The following WWOX variants were observed in gnomAD, a reference collection of about 807,000 sequenced individuals.
The protein encoded by WWOX is WW domain-containing oxidoreductase.
Under a neutral mutation model 46.2 loss-of-function variants are expected in WWOX, and 69 were observed. The observed-to-expected ratio is 1.49, with a 90% confidence interval of 1.23 to 1.82. The LOEUF (loss-of-function observed/expected upper bound fraction) is 1.82. Among genes scored for constraint, WWOX ranks in the 40% most tolerant of loss-of-function variants. WWOX has a pLI of 0.00. For missense variants in WWOX, 919 were observed against 542.6 expected (o/e 1.69, Z -6.89); for synonymous variants, 359 against 202.6 (o/e 1.77, Z -6.56).
chr16:78,665,792 C>T (rs911357642), intron 8 of WWOX, among the ~76,000 whole-genome samples: 4 of 152,134 alleles, frequency 2.6e-5, no homozygotes, highest in African/African-American at 7.2e-5. Flanking sequence ...TCGAGTGATT[C>T]TCCTACCTCA....
At chr16:78,630,928 A>T (rs1485809280) in intron 8 of WWOX, among the ~76,000 whole-genome samples, 1 of 152,162 alleles carries the variant, frequency 6.6e-6, no homozygotes, top group East Asian at 1.9e-4. Context: ...GACAGATTAA[A>T]AGCATTCGAA....
At chr16:78,351,478 G>C (rs2081182582) in intron 5 of WWOX, among the ~76,000 whole-genome samples, 2 of 152,156 alleles carry the variant, frequency 1.3e-5, no homozygotes, top group African/African-American at 4.8e-5. Context: ...ATACGCTTTA[G>C]GTGGGGCAGA....
chr16:78,137,054 T>G (rs1422972811), intron 4 of WWOX, among the ~76,000 whole-genome samples: 1 of 152,076 alleles, frequency 6.6e-6, no homozygotes, highest in East Asian at 1.9e-4. Context: ...ATTCACAACA[T>G]AAGTTGGATC....
At chr16:78,916,709 G>T (rs1224151639) in intron 8 of WWOX, among the ~76,000 whole-genome samples, 1 of 152,174 alleles carries the variant, frequency 6.6e-6, no homozygotes, top group Admixed American at 6.5e-5. Context: ...CAAAATAAAA[G>T]TGATTCTTTC....
intron 8 of WWOX, among the ~76,000 whole-genome samples, chr16:79,052,960 G>A (rs1159347598): frequency 6.3e-5 from 7 of 110,800 alleles, no homozygotes; most frequent in African/African-American, 2.4e-4. Flanking sequence ...GTATGTTTGT[G>A]TATTTGGGGG....
chr16:78,647,357 C>G (rs2046867782), intron 8 of WWOX, among the ~76,000 whole-genome samples: 1 of 152,202 alleles, frequency 6.6e-6, no homozygotes, highest in Non-Finnish European at 1.5e-5. Context: ...TTTAGCCCTC[C>G]TTCCACCTGG....
intron 5 of WWOX, among the ~76,000 whole-genome samples, chr16:78,208,408 G>A (rs532793884): frequency 1.3e-5 from 2 of 152,214 alleles, no homozygotes; most frequent in East Asian, 3.9e-4. Flanking sequence ...TATATGAAAC[G>A]GTGAGAAACT....
At chr16:79,125,710 A>T (rs1436779387) in intron 8 of WWOX, among the ~76,000 whole-genome samples, 3 of 152,218 alleles carry the variant, frequency 2.0e-5, no homozygotes, top group Admixed American at 6.5e-5. Context: ...GACATTGTGA[A>T]TCCCTGATCT....
At chr16:78,893,582 C>T (rs2044637565) in intron 8 of WWOX, among the ~76,000 whole-genome samples, 1 of 152,188 alleles carries the variant, frequency 6.6e-6, no homozygotes, top group South Asian at 2.1e-4. Context: ...GCCCACATGG[C>T]TGCCATTTTA....
chr16:78,805,332 C>G (rs1472562633), intron 8 of WWOX, among the ~76,000 whole-genome samples: 1 of 152,172 alleles, frequency 6.6e-6, no homozygotes, highest in Non-Finnish European at 1.5e-5. Flanking sequence ...AGGATCTCGG[C>G]TCACTGCAAG....
intron 8 of WWOX, among the ~76,000 whole-genome samples, chr16:78,731,997 CT>C (rs1230513107): frequency 1.3e-5 from 2 of 151,912 alleles, no homozygotes; most frequent in African/African-American, 4.8e-5. Context: ...CAGGTATGCA[CT>C]ACCATGCCCA....
intron 8 of WWOX, among the ~76,000 whole-genome samples, chr16:79,175,189 T>A (rs1163956895): frequency 6.6e-6 from 1 of 152,218 alleles, no homozygotes; most frequent in East Asian, 1.9e-4. Flanking sequence ...TTAATATGCC[T>A]CATTCTAGTT....
chr16:78,728,177 G>A, intron 8 of WWOX, among the ~76,000 whole-genome samples: 1 of 145,936 alleles, frequency 6.9e-6, no homozygotes, highest in Non-Finnish European at 1.5e-5. Context: ...TGATTCTCCT[G>A]CCTCAGCCTC....
At chr16:78,859,501 C>A (rs1000712217) in intron 8 of WWOX, among the ~76,000 whole-genome samples, 1 of 152,044 alleles carries the variant, frequency 6.6e-6, no homozygotes, top group Non-Finnish European at 1.5e-5. Flanking sequence ...TGTTATAGCT[C>A]GATTTTTATC....
At chr16:78,926,976 T>G (rs1239560551) in intron 8 of WWOX, among the ~76,000 whole-genome samples, 1 of 152,094 alleles carries the variant, frequency 6.6e-6, no homozygotes, top group Non-Finnish European at 1.5e-5. Flanking sequence ...TTGTATTTTC[T>G]GTAGAGATGG....
chr16:78,322,035 C>T (rs2080494876), intron 5 of WWOX, among the ~76,000 whole-genome samples: 1 of 152,130 alleles, frequency 6.6e-6, no homozygotes, highest in African/African-American at 2.4e-5. Flanking sequence ...AGTGGACAGA[C>T]CCAAATGTTT....
chr16:79,038,962 CT>C (rs1425476745), intron 8 of WWOX, among the ~76,000 whole-genome samples: 2 of 151,964 alleles, frequency 1.3e-5, no homozygotes, highest in South Asian at 4.2e-4. Flanking sequence ...TGAGTTGCCC[CT>C]AGGATCATTT....
At chr16:78,372,979 TTG>T (rs1770417650) in intron 5 of WWOX, among the ~76,000 whole-genome samples, 1 of 152,232 alleles carries the variant, frequency 6.6e-6, no homozygotes, top group Non-Finnish European at 1.5e-5. Context: ...TAATGGGCTA[TTG>T]TCTCTCAAAG....
intron 5 of WWOX, among the ~76,000 whole-genome samples, chr16:78,375,852 ATTT>A (rs11312205): frequency 5.8e-4 from 75 of 129,220 alleles, no homozygotes; most frequent in African/African-American, 5.7e-4. Context: ...CATGTATAGG[ATTT>A]TTTTTTTTTT....
Sources: gnomAD v4.1 joint callset for allele counts (sites outside exome capture counted in the v4.1 genomes callset) on GRCh38, gnomAD v4.1.1 for gene constraint, MANE v1.5 for transcripts, NCBI Gene and HGNC (gene_info 2026-07-23, HGNC 2026-07-21) for gene names.